Variants in EML6 observed in about 807,000 individuals in gnomAD.
EML6 encodes the protein echinoderm microtubule-associated protein-like 6.
Under a neutral mutation model 240.1 loss-of-function variants are expected in EML6, and 154 were observed. The observed-to-expected ratio is 0.64, with a 90% CI of 0.56 to 0.73. The LOEUF (loss-of-function observed/expected upper bound fraction) is 0.73. EML6 is among the 30% of genes least tolerant of loss of function. The pLI is 0.00. For synonymous variants in EML6, 1,148 were observed against 899.0 expected (o/e 1.28, Z -4.95); for missense variants, 2,964 against 2,474.6 (o/e 1.20, Z -4.20).
At chr2:54,859,311 C>G (rs2103823771) in intron 11 of EML6, among the ~76,000 whole-genome samples, 1 of 152,244 alleles carries the variant, frequency 6.6e-6, no homozygotes, top group South Asian at 2.1e-4. Context: ...GTGTCTTTAG[C>G]CACAGGGCTT....
chr2:54,820,679 G>A (rs913875052), intron 5 of EML6, among the ~76,000 whole-genome samples: 9 of 152,230 alleles, frequency 5.9e-5, no homozygotes, highest in African/African-American at 1.7e-4. Context: ...GAAGTGCTCC[G>A]CAGGCAGCTG....
At chr2:54,813,653 A>T (rs759402079) in intron 3 of EML6, among the ~76,000 whole-genome samples, 2 of 152,200 alleles carry the variant, frequency 1.3e-5, no homozygotes, top group Non-Finnish European at 2.9e-5. Flanking sequence ...CATGGTGATC[A>T]GGTTCACCAT....
chr2:54,762,607 A>G (rs1668025712), intron 2 of EML6, among the ~76,000 whole-genome samples: 1 of 152,172 alleles, frequency 6.6e-6, no homozygotes, highest in African/African-American at 2.4e-5. Flanking sequence ...ATTAGTTGAC[A>G]TTCTGCTATA....
intron 7 of EML6, among the ~76,000 whole-genome samples, chr2:54,834,899 G>A (rs983103809): frequency 6.6e-6 from 1 of 152,188 alleles, no homozygotes; most frequent in Non-Finnish European, 1.5e-5. Flanking sequence ...AGCAGCTAGA[G>A]GGATTATTTG....
chr2:54,925,461 A>C (rs764973495), intron 26 of EML6, among the ~76,000 whole-genome samples: 8 of 152,124 alleles, frequency 5.3e-5, no homozygotes, highest in Non-Finnish European at 1.2e-4. Flanking sequence ...TCTTATTACC[A>C]CCACAGAGCT....
Position 54,844,083 on chromosome 2 carries a change from G to A in EML6, c.884G>A (p.Arg295His), listed in dbSNP as rs962097491. 26 of 1,550,502 alleles carry A rather than the reference G, an allele frequency of 1.7e-5. No homozygotes were observed. Among genetic ancestry groups the A allele is most frequent in the African/African-American group, 4.1e-5 (3 of 72,878 alleles). ...SIRSVCWKAD[R>H]LLAGTQDSEI... Reference sequence around the variant, plus strand: ...CGGAGCGTGTGCTGGAAAGCAGACCGCCTTCTAGCAGGGACCCAGGACAGT... The same window carrying A: ...CGGAGCGTGTGCTGGAAAGCAGACCACCTTCTAGCAGGGACCCAGGACAGT... The change falls in exon 8 of 42, where the codon CGC becomes CAC. Residue 295 changes from arginine to histidine, a missense_variant. Arg to His is a conservative substitution (Grantham distance 29). Transcript: ENST00000356458.
chr2:54,745,830 A>G (rs922760561), intron 2 of EML6, among the ~76,000 whole-genome samples: 6 of 152,170 alleles, frequency 3.9e-5, no homozygotes, highest in African/African-American at 1.4e-4. Flanking sequence ...CCTTCCCTTT[A>G]ACTACTGAGG....
Position 54,786,838 on chromosome 2 carries a change from A to G in EML6, c.198-26394A>G, listed in dbSNP as rs117536522. Among the ~76,000 whole-genome samples the G allele has an allele frequency of 7.0e-4, 107 of 152,332 alleles. 1 individual carries two copies. In the East Asian group the frequency reaches 0.017, roughly 25 times the overall value. On this transcript the variant is annotated intron_variant, in intron 2 of 41. Coordinates refer to ENST00000356458, the MANE Select transcript of EML6 (RefSeq NM_001039753.4). ...AATTCATTCCCACACAGGTTCCCCA[A>G]ATATATACTGGACAAGTGAAACTTG...
At chr2:54,890,688 G>A (rs942595169) in intron 17 of EML6, among the ~76,000 whole-genome samples, 2 of 152,130 alleles carry the variant, frequency 1.3e-5, no homozygotes, top group East Asian at 3.9e-4. Flanking sequence ...ACAAGAGGAG[G>A]AAAAGAGAAG....
chr2:54,907,222 A>G (rs1027095308), intron 24 of EML6, among the ~76,000 whole-genome samples: 1 of 152,198 alleles, frequency 6.6e-6, no homozygotes, highest in East Asian at 1.9e-4. Context: ...CAAATTAACA[A>G]TTTGAAGGCT....
At chr2:54,795,471 C>G (rs980690809) in intron 2 of EML6, among the ~76,000 whole-genome samples, 2 of 152,154 alleles carry the variant, frequency 1.3e-5, no homozygotes, top group Non-Finnish European at 2.9e-5. Context: ...CTTGGGAACA[C>G]AGAGCCAATA....
intron 24 of EML6, among the ~76,000 whole-genome samples, chr2:54,910,364 G>C (rs1051990409): frequency 1.3e-5 from 2 of 152,212 alleles, no homozygotes; most frequent in Non-Finnish European, 2.9e-5. Flanking sequence ...TTGTACATCA[G>C]ACTGAAAGAC....
chr2:54,896,615 A>G (rs984338046), intron 21 of EML6, among the ~76,000 whole-genome samples: 8 of 152,258 alleles, frequency 5.3e-5, no homozygotes, highest in African/African-American at 1.9e-4. Context: ...GTTGGAGAGA[A>G]AAGAAAATGC....
At chr2:54,797,177 A>AAAACAAAAAAAAAAAC (rs1669849714) in intron 2 of EML6, among the ~76,000 whole-genome samples, 9 of 132,688 alleles carry the variant, frequency 6.8e-5, no homozygotes, top group Admixed American at 6.4e-4. Context: ...AAAAAAAAAA[A>AAAACAAAAAAAAAAAC]AAAAAAAAAA....
At chr2:54,851,055 G>T (rs1670054922) in intron 10 of EML6, among the ~76,000 whole-genome samples, 1 of 152,152 alleles carries the variant, frequency 6.6e-6, no homozygotes, top group African/African-American at 2.4e-5. Context: ...CAATGCATGG[G>T]AATGATACCT....
In EML6 at chr2:54,859,494, C is replaced by CT. The variant is rs765642622; in HGVS notation, c.1658-34dup. On this transcript the variant is annotated intron_variant, in intron 11 of 41. Transcript: ENST00000356458. ...GGTTGTTTTAAACTAATGAACTCTT[C>CT]TTTTTTCATAACTAATCCTCTCAAA... 11 of 1,513,826 alleles carry CT rather than the reference C, an allele frequency of 7.3e-6. No homozygotes were observed. In the South Asian group the frequency reaches 1.4e-4, roughly 19 times the overall value. The allele number at this position is 1,513,826 out of a possible 1,614,324, so 93.8% of individuals were successfully genotyped here. A position where few individuals can be genotyped will look rare whatever the true frequency, so the allele number is the denominator to read the frequency against.
intron 2 of EML6, among the ~76,000 whole-genome samples, chr2:54,731,986 T>A (rs57412157): frequency 6.6e-6 from 1 of 152,336 alleles, no homozygotes; most frequent in South Asian, 2.1e-4. Context: ...GTCTTTTTTT[T>A]ACTATTGCCA....
chr2:54,774,366 G>T lies in EML6; in HGVS notation c.198-38866G>T, dbSNP rs1438918336. On this transcript the variant is annotated intron_variant, in intron 2 of 41. Transcript: ENST00000356458. This position sits in a 1 kb window ranked among gnomAD's most constrained non-coding sequence, Gnocchi z 4.1. ...TGTTCCTACATTGATCAGTCATTAG[G>T]TACAGGCCATTATGGGAAGAAGGGT... Among the ~76,000 whole-genome samples the T allele has an allele frequency of 6.6e-6, 1 of 152,178 alleles. No homozygotes were observed. The highest frequency in any genetic ancestry group is 1.5e-5 in the Non-Finnish European group (1 of 68,034).
rs1220067266 is a variant in EML6 at position 54,971,892 on chromosome 2, TTATG to T, written c.*1803_*1806del. 2 of 152,274 alleles carry T rather than the reference TTATG, an allele frequency of 1.3e-5. No individual in the cohort carries two copies. Among genetic ancestry groups the T allele is most frequent in the Non-Finnish European group, 2.9e-5 (2 of 68,052 alleles). The allele number at this position is 152,274 out of a possible 1,614,324, so 9.4% of individuals were successfully genotyped here. On this transcript the variant is annotated 3_prime_UTR_variant, in exon 42 of 42. Coordinates refer to ENST00000356458, the MANE Select transcript of EML6 (RefSeq NM_001039753.4). ...ACGTTTATATGGTATGATTTTGATT[TTATG>T]TATGTTCATAAATCCTGCACTGTAT...
Sources: gnomAD v4.1 joint callset for allele counts (sites outside exome capture counted in the v4.1 genomes callset) on GRCh38, gnomAD v4.1.1 for gene constraint, Gnocchi (gnomAD v3.1) non-coding constraint, MANE v1.5 for transcripts, NCBI Gene and HGNC (gene_info 2026-07-23, HGNC 2026-07-21) for gene names.